NCAM1: variants seen among roughly 807,000 people sequenced by gnomAD.
The protein encoded by NCAM1 is neural cell adhesion molecule 1.
Under a neutral mutation model 109.8 loss-of-function variants are expected in NCAM1, and 14 were observed. That is an observed-to-expected ratio of 0.13 (90% confidence interval 0.08 to 0.20). The LOEUF is 0.20. NCAM1 is among the 10% of genes least tolerant of loss of function. The pLI, the probability that NCAM1 is intolerant of heterozygous loss-of-function variation, is 1.00. For synonymous variants in NCAM1, 418 were observed against 442.9 expected, an observed-to-expected ratio of 0.94 and a Z score of 0.70; for missense variants, 774 against 1,109.9, an observed-to-expected ratio of 0.70 and a Z score of 4.30.
rs575741314 is a variant in NCAM1, at chr11:113,207,463, A to C, written c.746+85A>C. On this transcript the variant is annotated intron_variant, in intron 6 of 19. Coordinates refer to ENST00000316851, the MANE Select transcript of NCAM1 (RefSeq NM_181351.5). The stretch of plus-strand genomic sequence containing the variant: ...CTGCTCCATGTTAGTGTCTGCGTGG[A>C]ATGGATGTGGGCTTCTTAGGAATAT... The C allele has an allele frequency of 4.6e-6, 5 of 1,089,846 alleles. No individual in the cohort carries two copies. The East Asian group carries it at 9.6e-5, about 21-fold the overall frequency. 67.5% of individuals were successfully genotyped at this position (1,089,846 alleles called of 1,614,324 possible). A position where few individuals can be genotyped will look rare whatever the true frequency, so the allele number is the denominator to read the frequency against.
rs1946384956 is a variant in NCAM1 at position 113,275,484 on chromosome 11, A to G, written c.*97A>G. On this transcript the variant is annotated 3_prime_UTR_variant, in exon 20 of 20. Transcript: ENST00000316851. The stretch of plus-strand genomic sequence containing the variant: ...CACAGACACACACACGCACGCACAC[A>G]CACAAACACACATGCACACACACAC... The G allele has an allele frequency of 2.1e-6, 3 of 1,399,526 alleles. No homozygotes were observed. The highest frequency in any genetic ancestry group is 5.0e-5 in the East Asian group (2 of 39,940). The allele number at this position is 1,399,526 out of a possible 1,614,324, so 86.7% of individuals were successfully genotyped here.
At chr11:113,106,134 A>G (rs1555092531) in intron 1 of NCAM1, among the ~76,000 whole-genome samples, 1 of 152,216 alleles carries the variant, frequency 6.6e-6, no homozygotes, top group East Asian at 1.9e-4. Flanking sequence ...TGTCTTATGG[A>G]TGAAATATTA....
At chr11:113,129,049 T>C (rs1941294800) in intron 1 of NCAM1, among the ~76,000 whole-genome samples, 1 of 152,032 alleles carries the variant, frequency 6.6e-6, no homozygotes, top group Non-Finnish European at 1.5e-5. Flanking sequence ...TCTTTATTTT[T>C]TCTGGGAGCT....
intron 1 of NCAM1, among the ~76,000 whole-genome samples, chr11:112,978,967 C>T (rs1951078072): frequency 6.6e-6 from 1 of 151,802 alleles, no homozygotes; most frequent in Non-Finnish European, 1.5e-5. Flanking sequence ...TGTGAAACTA[C>T]TTGTTATTAT....
At chr11:113,118,490 T>C (rs1463848110) in intron 1 of NCAM1, among the ~76,000 whole-genome samples, 4 of 152,002 alleles carry the variant, frequency 2.6e-5, no homozygotes, top group Non-Finnish European at 5.9e-5. Context: ...CCCTCGGTGC[T>C]TTTGAGAATG....
Position 113,232,768 on chromosome 11 carries a change from G to A in NCAM1, c.1476G>A (p.Val492=). Residue 492 remains valine, a synonymous_variant, in exon 12 of 20, where the codon GTG becomes GTA. Transcript: ENST00000316851. ...NDFGNYNCTA[V]NRIGQESLEF... Reference sequence around the variant, plus strand: ...TTGGGAACTACAACTGTACTGCAGTGAACCGCATTGGGCAGGAGTCCTTGG... The same window carrying A: ...TTGGGAACTACAACTGTACTGCAGTAAACCGCATTGGGCAGGAGTCCTTGG... 6.2e-7 allele frequency: 1 copy of A among 1,613,984 alleles called. No homozygotes were observed. Among genetic ancestry groups the A allele is most frequent in the Non-Finnish European group, 8.5e-7 (1 of 1,179,886 alleles).
chr11:113,028,819 A>G (rs1210865687), intron 1 of NCAM1, among the ~76,000 whole-genome samples: 1 of 152,202 alleles, frequency 6.6e-6, no homozygotes, highest in Admixed American at 6.5e-5. Context: ...TATTTACTTT[A>G]CATCCACTTT....
intron 1 of NCAM1, among the ~76,000 whole-genome samples, chr11:112,966,868 T>G (rs1373887027): frequency 6.6e-6 from 1 of 152,230 alleles, no homozygotes; most frequent in Non-Finnish European, 1.5e-5. Flanking sequence ...AGACACACTT[T>G]TCCTTTCCTG....
At chr11:113,260,734 G>C (rs1277553196) in intron 17 of NCAM1, among the ~76,000 whole-genome samples, 1 of 152,094 alleles carries the variant, frequency 6.6e-6, no homozygotes, top group Non-Finnish European at 1.5e-5. Context: ...TCTGATGCTT[G>C]CTTTATGAGC....
At position 113,277,033 on chromosome 11, in the gene NCAM1, T is replaced by C. The variant is rs1208398647; in HGVS notation, c.*1646T>C. 1 of 274,978 alleles carries C rather than the reference T, an allele frequency of 3.6e-6. No homozygotes were observed. The highest frequency in any genetic ancestry group is 6.8e-6 in the Non-Finnish European group (1 of 148,060). The allele number at this position is 274,978 out of a possible 1,614,324, so 17.0% of individuals were successfully genotyped here. ...TATAGCAGATAGTTCAGAAAAAATA[T>C]TCAGGAAACAAAAATCACTCAAACG... On this transcript the variant is annotated 3_prime_UTR_variant, in exon 20 of 20. Transcript: ENST00000316851.
rs1555125973 is a variant in NCAM1 at position 113,273,649 on chromosome 11, T to G, written c.2457-1618T>G. 1 of 455,986 alleles carries G rather than the reference T, an allele frequency of 2.2e-6. No individual in the cohort carries two copies. Among genetic ancestry groups the G allele is most frequent in the African/African-American group, 2.0e-5 (1 of 50,058 alleles). 28.2% of individuals were successfully genotyped at this position (455,986 alleles called of 1,614,324 possible). On this transcript the variant is annotated intron_variant, in intron 19 of 19. Transcript: ENST00000316851. This position sits in a 1 kb window ranked among gnomAD's most constrained non-coding sequence, Gnocchi z 6.0. Reference sequence around the variant, plus strand: ...CTTGCAAAGGATGTTTTTGCAGCCCTGGGCTCTCCTGCTCCCGCCGCTGGG... The same window carrying G: ...CTTGCAAAGGATGTTTTTGCAGCCCGGGGCTCTCCTGCTCCCGCCGCTGGG...
At chr11:113,171,722 C>T (rs1943000481) in intron 1 of NCAM1, among the ~76,000 whole-genome samples, 1 of 152,176 alleles carries the variant, frequency 6.6e-6, no homozygotes, top group Non-Finnish European at 1.5e-5. Context: ...ATTAGATTTT[C>T]TGATCACTCA....
chr11:113,264,598 C>G, intron 17 of NCAM1: 1 of 985,558 alleles, frequency 1.0e-6, no homozygotes, highest in Non-Finnish European at 1.2e-6. Flanking sequence ...GCAGAAGTCA[C>G]ACGGCTTCAT....
intron 1 of NCAM1, among the ~76,000 whole-genome samples, chr11:113,175,459 G>C (rs1394346053): frequency 6.6e-6 from 1 of 152,212 alleles, no homozygotes; most frequent in Admixed American, 6.5e-5. Flanking sequence ...ATTTGCCTTT[G>C]TAGAAAGCCC....
chr11:112,986,905 G>C (rs1255665250), intron 1 of NCAM1, among the ~76,000 whole-genome samples: 1 of 151,636 alleles, frequency 6.6e-6, no homozygotes, highest in African/African-American at 2.4e-5. Context: ...TTTCTGCTCT[G>C]ATCTTTGTTA....
chr11:113,070,499 A>C (rs1181038342), intron 1 of NCAM1, among the ~76,000 whole-genome samples: 5 of 152,124 alleles, frequency 3.3e-5, no homozygotes, highest in African/African-American at 1.2e-4. Flanking sequence ...GTTTTAGTGG[A>C]CTGAAGGGCA....
chr11:113,225,022 G>A (rs190367705), intron 9 of NCAM1, among the ~76,000 whole-genome samples: 51 of 152,352 alleles, frequency 3.3e-4, no homozygotes, highest in Admixed American at 3.0e-3. Context: ...AAAAATCAGA[G>A]AACCTCTTCT....
At chr11:113,154,190 G>C (rs782003456) in intron 1 of NCAM1, among the ~76,000 whole-genome samples, 16 of 152,242 alleles carry the variant, frequency 1.1e-4, no homozygotes, top group Non-Finnish European at 2.1e-4. Context: ...GATGCAGATA[G>C]ACTCCGGTTT....
chr11:113,264,743 G>C, intron 17 of NCAM1: 1 of 985,446 alleles, frequency 1.0e-6, no homozygotes, highest in Non-Finnish European at 1.2e-6. Flanking sequence ...ACGTGGCCCT[G>C]TCATCTCAAC....
Sources: gnomAD v4.1 joint callset for allele counts (sites outside exome capture counted in the v4.1 genomes callset) on GRCh38, gnomAD v4.1.1 for gene constraint, Gnocchi (gnomAD v3.1) non-coding constraint, MANE v1.5 for transcripts, NCBI Gene and HGNC (gene_info 2026-07-23, HGNC 2026-07-21) for gene names.